Variants in ADAMTS4 observed in about 807,000 individuals in gnomAD.
ADAMTS4 encodes ADAM metallopeptidase with thrombospondin type 1 motif 4.
In ADAMTS4, 38 loss-of-function variants were observed where a neutral mutation model predicts 66.7. The observed-to-expected ratio is 0.57, with a 90% confidence interval of 0.44 to 0.75. The LOEUF (loss-of-function observed/expected upper bound fraction) is 0.75. ADAMTS4 is among the 30% of genes least tolerant of loss of function. The pLI is 0.00. For missense variants in ADAMTS4, 1,014 were observed against 1,116.7 expected (o/e 0.91, Z 1.31); for synonymous variants, 418 against 461.5 (o/e 0.91, Z 1.21).
Position 161,191,327 on chromosome 1 carries a change from C to T in ADAMTS4, c.2325G>A (p.Gly775=), listed in dbSNP as rs1188328621. ...GCAGTGTCAAAGGCTGGGCCAGTGGCCCATGGCCTGACAGTGTCTCTGAGG... is the reference window on the plus strand; with the variant it reads ...GCAGTGTCAAAGGCTGGGCCAGTGGTCCATGGCCTGACAGTGTCTCTGAGG... The part of the protein sequence containing the change: ...TAASETLSGH[G]PLAQPLTLQV... Residue 775 remains glycine, a synonymous_variant, in exon 9 of 9, where the codon GGG becomes GGA. Coordinates refer to ENST00000367996, the MANE Select transcript of ADAMTS4 (RefSeq NM_005099.6). 2 of 1,613,872 alleles carry T rather than the reference C, an allele frequency of 1.2e-6. No individual in the cohort carries two copies. Among genetic ancestry groups the T allele is most frequent in the Non-Finnish European group, 8.5e-7 (1 of 1,180,036 alleles).
At position 161,196,620 on chromosome 1, in the gene ADAMTS4, G is replaced by T. The variant is rs1367920547; in HGVS notation, c.894C>A (p.Gly298=). ...GGTCCGAGTCCTCAGGGGTGTTGAG[G>T]CCCCGCTGCCAGGCACAGAAGCTGC... The part of the protein sequence containing the change: ...TLRSFCAWQR[G]LNTPEDSDPD... The change falls in exon 2 of 9, where the codon GGC becomes GGA. Residue 298 remains glycine, a synonymous_variant. Coordinates refer to ENST00000367996, the MANE Select transcript of ADAMTS4 (RefSeq NM_005099.6). 6.2e-7 allele frequency: 1 copy of T among 1,614,184 alleles called. No individual in the cohort carries two copies.
chr1:161,188,910 T>TATATATATATATATATATATATATATA lies in ADAMTS4; in HGVS notation c.*2227_*2228insTATATATATATATATATATATATATAT. On this transcript the variant is annotated 3_prime_UTR_variant, in exon 9 of 9. Transcript: ENST00000367996. ...TATATATATATATATATATATATAT[T>TATATATATATATATATATATATATATA]TTGTATTTTTAGTAGACACGGGGTT... is the stretch of plus-strand genomic sequence containing the variant. The TATATATATATATATATATATATATATA allele has an allele frequency of 3.6e-5, 2 of 54,866 alleles. No individual in the cohort carries two copies. The highest frequency in any genetic ancestry group is 1.4e-3 in the South Asian group (2 of 1,452). 3.4% of individuals were successfully genotyped at this position (54,866 alleles called of 1,614,324 possible). A position where few individuals can be genotyped will look rare whatever the true frequency, so the allele number is the denominator to read the frequency against.
intron 1 of ADAMTS4, chr1:161,197,626 A>C (rs1664905548): frequency 9.2e-6 from 2 of 217,284 alleles, no homozygotes; most frequent in Non-Finnish European, 9.0e-6. Flanking sequence ...TGGGGGATGA[A>C]AATCAAATTT....
At position 161,193,705 on chromosome 1, in the gene ADAMTS4, T is replaced by A; in HGVS notation, c.1670A>T (p.Lys557Met). 4 of 1,613,994 alleles carry A rather than the reference T, an allele frequency of 2.5e-6. No individual in the cohort carries two copies. The highest frequency in any genetic ancestry group is 3.4e-6 in the Non-Finnish European group (4 of 1,179,988). The change falls in exon 6 of 9, where the codon AAG (lysine) becomes ATG (methionine). Residue 557 changes from lysine (K) to methionine (M), a missense_variant. Transcript: ENST00000367996. The surrounding 1 kb of genome is among the most constrained non-coding windows in gnomAD (Gnocchi z 4.4). ...GCGGGTACGGCGGCCCTCACAGTAC[T>A]TGCCACCATTCCGGGGGACAGGCCT... ...CTRPVPRNGG[K>M]YCEGRRTRFR...
At position 161,191,043 on chromosome 1, in the gene ADAMTS4, C is replaced by G; in HGVS notation, c.*95G>C. The G allele has an allele frequency of 7.1e-7, 1 of 1,401,262 alleles. No homozygotes were observed. Among genetic ancestry groups the G allele is most frequent in the Non-Finnish European group, 9.5e-7 (1 of 1,049,014 alleles). 86.8% of individuals were successfully genotyped at this position (1,401,262 alleles called of 1,614,324 possible). ...GTCTCACGCCCACAGCCCCTCCCCA[C>G]TGAGTCTTAGCATGAGGCAGCAACA... On this transcript the variant is annotated 3_prime_UTR_variant, in exon 9 of 9. Coordinates refer to ENST00000367996, the MANE Select transcript of ADAMTS4 (RefSeq NM_005099.6).
chr1:161,192,117 C>T lies in ADAMTS4; in HGVS notation c.2035G>A (p.Gly679Arg), dbSNP rs767813779. 8.7e-6 allele frequency: 14 copies of T among 1,613,966 alleles called. No homozygotes were observed. The highest frequency in any genetic ancestry group is 5.0e-5 in the Admixed American group (3 of 59,990). ...TTGCTGCAACCAGAACCGTCCCCTC[C>T]GCACACCATGCACTTGTCAAACTTC... is the stretch of plus-strand genomic sequence containing the variant. The part of the protein sequence containing the change: ...KKKFDKCMVC[G>R]GDGSGCSKQS... Residue 679 changes from glycine to arginine, a missense_variant, in exon 8 of 9, where the codon GGA (glycine) becomes AGA (arginine). Physicochemically the swap from Gly to Arg is moderately radical, Grantham distance 125. Transcript: ENST00000367996.
Position 161,193,333 on chromosome 1 carries a change from G to C in ADAMTS4, c.1791C>G (p.Phe597Leu), listed in dbSNP as rs202105709. 6 of 1,614,072 alleles carry C rather than the reference G, an allele frequency of 3.7e-6. No individual in the cohort carries two copies. In the East Asian group the frequency reaches 1.1e-4, roughly 30 times the overall value. Reference sequence around the variant, plus strand: ...AGTCCATGGGCCCTGGGAAGCTCTTGAAGAGGTCGGTGCGGTGGTTGTAGG... The same window carrying C: ...AGTCCATGGGCCCTGGGAAGCTCTTCAAGAGGTCGGTGCGGTGGTTGTAGG... ...CAAYNHRTDL[F>L]KSFPGPMDWV... The change falls in exon 7 of 9, where the codon TTC (phenylalanine) becomes TTG (leucine). Residue 597 changes from phenylalanine (F) to leucine (L), a missense_variant. Transcript: ENST00000367996. This position sits in a 1 kb window ranked among gnomAD's most constrained non-coding sequence, Gnocchi z 4.4.
At chr1:161,197,060 C>A in intron 1 of ADAMTS4, 180 bp from the exon 2 acceptor site, 1 of 600,504 alleles carries the variant, frequency 1.7e-6, no homozygotes, top group Non-Finnish European at 2.9e-6. Flanking sequence ...AACGCCAAAT[C>A]TCAGGGCTTT....
rs1217946141 is a variant in ADAMTS4 at position 161,198,697 on chromosome 1, G to C, written c.-70C>G. 1 of 1,375,036 alleles carries C rather than the reference G, an allele frequency of 7.3e-7. No homozygotes were observed. The highest frequency in any genetic ancestry group is 1.5e-5 in the South Asian group (1 of 66,294). The allele number at this position is 1,375,036 out of a possible 1,614,324, so 85.2% of individuals were successfully genotyped here. On this transcript the variant is annotated 5_prime_UTR_variant, in exon 1 of 9. Transcript: ENST00000367996. The surrounding 1 kb of genome is among the most constrained non-coding windows in gnomAD (Gnocchi z 4.7). ...CCAAGTCCTCCACACCCTAGCTTTG[G>C]AAAGCTCCTCTCTGTAGCCTGGGGG...
Position 161,185,117 on chromosome 1 carries a change from C to CAA in ADAMTS4, c.*6020_*6021insTT, listed in dbSNP as rs1558070218. 6.6e-6 allele frequency: 1 copy of CAA among 151,546 alleles called. No homozygotes were observed. Among genetic ancestry groups the CAA allele is most frequent in the Non-Finnish European group, 1.5e-5 (1 of 67,908 alleles). The allele number at this position is 151,546 out of a possible 1,614,324, so 9.4% of individuals were successfully genotyped here. A position where few individuals can be genotyped will look rare whatever the true frequency, so the allele number is the denominator to read the frequency against. ...CTAAATGATGAGTTAATGGGTGCAG[C>CAA]ACACCAGCATGGCACATGTATACAT... On this transcript the variant is annotated 3_prime_UTR_variant, in exon 9 of 9. Transcript: ENST00000367996.
In ADAMTS4 at chr1:161,193,826, T is replaced by C; in HGVS notation, c.1549A>G (p.Ile517Val). The C allele has an allele frequency of 6.2e-7, 1 of 1,603,084 alleles. No individual in the cohort carries two copies. ...LHMDQLQDFN[I>V]PQAGGWGPWG... ...GGACCCCAGCCACCAGCCTGTGGAA[T>C]CTGCAAAGGCACAGAACGGAAGTGG... is the stretch of plus-strand genomic sequence containing the variant. The change falls in exon 6 of 9, where the codon ATT becomes GTT. Residue 517 changes from isoleucine to valine, a missense_variant and splice_region_variant. Transcript: ENST00000367996. This position sits in a 1 kb window ranked among gnomAD's most constrained non-coding sequence, Gnocchi z 4.4.
rs2102020955 is a variant in ADAMTS4, at chr1:161,198,619, C to T, written c.9G>A (p.Gln3=). The change falls in exon 1 of 9, where the codon CAG becomes CAA. Residue 3 remains glutamine (Q), a synonymous_variant. Coordinates refer to ENST00000367996, the MANE Select transcript of ADAMTS4 (RefSeq NM_005099.6). The surrounding 1 kb of genome is among the most constrained non-coding windows in gnomAD (Gnocchi z 4.7). The part of the protein sequence containing the change: MS[Q]TGSHPGRGLA... Reference sequence around the variant, plus strand: ...AGCCCCTCCCGGGATGCGAGCCTGTCTGGGACATGGCACTGGTACTGCAGC... The same window carrying T: ...AGCCCCTCCCGGGATGCGAGCCTGTTTGGGACATGGCACTGGTACTGCAGC... The T allele has an allele frequency of 6.6e-7, 1 of 1,523,044 alleles. No homozygotes were observed. Among genetic ancestry groups the T allele is most frequent in the Non-Finnish European group, 8.8e-7 (1 of 1,132,098 alleles). The allele number at this position is 1,523,044 out of a possible 1,614,324, so 94.3% of individuals were successfully genotyped here.
chr1:161,188,910 T>TATATATATATATATATATATATATA lies in ADAMTS4; in HGVS notation c.*2227_*2228insTATATATATATATATATATATATAT, dbSNP rs1558071757. On this transcript the variant is annotated 3_prime_UTR_variant, in exon 9 of 9. Coordinates refer to ENST00000367996, the MANE Select transcript of ADAMTS4 (RefSeq NM_005099.6). ...TATATATATATATATATATATATAT[T>TATATATATATATATATATATATATA]TTGTATTTTTAGTAGACACGGGGTT... The TATATATATATATATATATATATATA allele has an allele frequency of 1.8e-5, 1 of 54,868 alleles. No individual in the cohort carries two copies. Among genetic ancestry groups the TATATATATATATATATATATATATA allele is most frequent in the South Asian group, 6.9e-4 (1 of 1,454 alleles). 3.4% of individuals were successfully genotyped at this position (54,868 alleles called of 1,614,324 possible). A position where few individuals can be genotyped will look rare whatever the true frequency, so the allele number is the denominator to read the frequency against.
In ADAMTS4 at chr1:161,188,121, T is replaced by A. The variant is rs1664578300; in HGVS notation, c.*3017A>T. On this transcript the variant is annotated 3_prime_UTR_variant, in exon 9 of 9. Coordinates refer to ENST00000367996, the MANE Select transcript of ADAMTS4 (RefSeq NM_005099.6). ...CTTGCCACCACACCTGGCTAATTTT[T>A]TGTATTTTTTTTTTAGTAGAGATGG... 6.6e-6 allele frequency: 1 copy of A among 151,344 alleles called. No homozygotes were observed. The highest frequency in any genetic ancestry group is 1.5e-5 in the Non-Finnish European group (1 of 67,880). 9.4% of individuals were successfully genotyped at this position (151,344 alleles called of 1,614,324 possible). A position where few individuals can be genotyped will look rare whatever the true frequency, so the allele number is the denominator to read the frequency against.
chr1:161,197,386 A>C, intron 1 of ADAMTS4: 1 of 160,200 alleles, frequency 6.2e-6, no homozygotes, highest in Non-Finnish European at 1.4e-5. Flanking sequence ...GGAGGAGGGA[A>C]GGGAAGAAGG....
chr1:161,193,852 G>T lies in ADAMTS4; in HGVS notation c.1549-26C>A. ...CTGCAAAGGCACAGAACGGAAGTGG[G>T]GCATAAGTGAACTCTCTCCTGGGCT... On this transcript the variant is annotated intron_variant, in intron 5 of 8. Coordinates refer to ENST00000367996, the MANE Select transcript of ADAMTS4 (RefSeq NM_005099.6). This position sits in a 1 kb window ranked among gnomAD's most constrained non-coding sequence, Gnocchi z 4.4. The T allele has an allele frequency of 6.3e-7, 1 of 1,580,782 alleles. No homozygotes were observed. Among genetic ancestry groups the T allele is most frequent in the Non-Finnish European group, 8.6e-7 (1 of 1,161,848 alleles).
Position 161,195,489 on chromosome 1 carries a change from T to A in ADAMTS4, c.1237A>T (p.Thr413Ser), listed in dbSNP as rs1236324495. The change falls in exon 4 of 9, where the codon ACT (threonine) becomes TCT (serine). Residue 413 changes from threonine to serine, a missense_variant. By Grantham distance (58) the Thr-to-Ser change is moderately conservative. Transcript: ENST00000367996. ...CCATAGCCATTGTCCAGGAAGTCAG[T>A]GATGAAGCGGGCACTGCAGGGGGAC... ...PWSPCSARFI[T>S]DFLDNGYGHC... The A allele has an allele frequency of 1.2e-6, 2 of 1,611,728 alleles. No individual in the cohort carries two copies. The highest frequency in any genetic ancestry group is 2.2e-5 in the South Asian group (2 of 90,860).
rs1311533880 is a variant in ADAMTS4 at position 161,191,365 on chromosome 1, C to T, written c.2287G>A (p.Gly763Arg). The T allele has an allele frequency of 2.5e-6, 4 of 1,613,972 alleles. No homozygotes were observed. Among genetic ancestry groups the T allele is most frequent in the Non-Finnish European group, 2.5e-6 (3 of 1,180,012 alleles). Residue 763 changes from glycine (G) to arginine (R), a missense_variant, in exon 9 of 9, where the codon GGG (glycine) becomes AGG (arginine). By Grantham distance (125) the Gly-to-Arg change is moderately radical. Transcript: ENST00000367996. ...LPGAVSLRYS[G>R]ATAASETLSG... ...AGTGTCTCTGAGGCTGCAGTGGCCC[C>T]GCTGTAGCGCAAGCTGACTGCCCCA...
Position 161,191,067 on chromosome 1 carries a change from C to G in ADAMTS4, c.*71G>C. On this transcript the variant is annotated 3_prime_UTR_variant, in exon 9 of 9. Coordinates refer to ENST00000367996, the MANE Select transcript of ADAMTS4 (RefSeq NM_005099.6). ...ACTGAGTCTTAGCATGAGGCAGCAA[C>G]AGAAGCTCTCTCTTTCTCCCAGCTA... 1 of 1,477,538 alleles carries G rather than the reference C, an allele frequency of 6.8e-7. No homozygotes were observed. The highest frequency in any genetic ancestry group is 9.0e-7 in the Non-Finnish European group (1 of 1,110,204). The allele number at this position is 1,477,538 out of a possible 1,614,324, so 91.5% of individuals were successfully genotyped here.
Sources: allele counts gnomAD v4.1 joint callset, GRCh38; gene constraint gnomAD v4.1.1; non-coding constraint Gnocchi (gnomAD v3.1); transcripts MANE v1.5; gene names NCBI Gene and HGNC (gene_info 2026-07-23, HGNC 2026-07-21).